ADAMTSL1: variants seen among roughly 807,000 people sequenced by gnomAD.
The protein encoded by ADAMTSL1 is ADAMTS like 1.
ADAMTSL1 carries 126 observed loss-of-function variants against 201.8 expected under a neutral mutation model. The observed-to-expected ratio is 0.62, with a 90% CI of 0.54 to 0.72. The LOEUF (loss-of-function observed/expected upper bound fraction) is 0.72. ADAMTSL1 is among the 30% of genes least tolerant of loss of function. ADAMTSL1 has a pLI of 0.00. For synonymous variants in ADAMTSL1, 1,121 were observed against 903.4 expected, an observed-to-expected ratio of 1.24 and a Z score of -4.32; for missense variants, 2,679 against 2,277.8, an observed-to-expected ratio of 1.18 and a Z score of -3.59.
intron 2 of ADAMTSL1, among the ~76,000 whole-genome samples, chr9:18,206,155 A>G (rs752149035): frequency 6.7e-6 from 1 of 148,968 alleles, no homozygotes; most frequent in African/African-American, 2.5e-5. Context: ...ATTTTTCAAT[A>G]TGGATCATCT....
intron 4 of ADAMTSL1, among the ~76,000 whole-genome samples, chr9:18,621,637 T>G (rs975875563): frequency 3.3e-5 from 5 of 151,870 alleles, no homozygotes; most frequent in African/African-American, 1.2e-4. Context: ...TCTCCTCTTT[T>G]TTAAGCTGGA....
intron 2 of ADAMTSL1, among the ~76,000 whole-genome samples, chr9:18,243,817 C>G (rs2132460439): frequency 1.3e-5 from 2 of 152,172 alleles, no homozygotes; most frequent in Middle Eastern, 3.4e-3. Flanking sequence ...TGCTTCATAG[C>G]CTGAAATTGA....
chr9:18,767,053 A>G (rs937213321), intron 16 of ADAMTSL1, among the ~76,000 whole-genome samples: 2 of 152,214 alleles, frequency 1.3e-5, no homozygotes, highest in Non-Finnish European at 2.9e-5. Flanking sequence ...CTCAGGGGCC[A>G]AAGTTTTTGT....
At chr9:18,557,471 A>G (rs1277281157) in intron 3 of ADAMTSL1, among the ~76,000 whole-genome samples, 1 of 152,078 alleles carries the variant, frequency 6.6e-6, no homozygotes, top group Admixed American at 6.6e-5. Flanking sequence ...CTTAAGTTGT[A>G]TGCTACAAAA....
intron 1 of ADAMTSL1, among the ~76,000 whole-genome samples, chr9:17,941,898 A>C (rs1192107217): frequency 6.6e-6 from 1 of 152,074 alleles, no homozygotes; most frequent in Non-Finnish European, 1.5e-5. Context: ...CTGTGTTCTC[A>C]TGTGGTAGAA....
At position 18,681,816 on chromosome 9, in the gene ADAMTSL1, C is replaced by T. The variant is rs2133177501; in HGVS notation, c.1346C>T (p.Thr449Ile). 1 of 1,610,898 alleles carries T rather than the reference C, an allele frequency of 6.2e-7. No individual in the cohort carries two copies. Among genetic ancestry groups the T allele is most frequent in the Non-Finnish European group, 8.5e-7 (1 of 1,178,130 alleles). The change falls in exon 12 of 29, where the codon ACA becomes ATA. Residue 449 changes from threonine (T) to isoleucine (I), a missense_variant. Physicochemically the swap from Thr to Ile is moderately conservative, Grantham distance 89. Coordinates refer to ENST00000380548, the MANE Select transcript of ADAMTSL1 (RefSeq NM_001040272.6). ...KWLAQEWSPC[T>I]VTCGQGLRYR... is the part of the protein sequence containing the mutation. ...TCTCTTGCAATCTCTTTCCAGTGCA[C>T]AGTGACATGTGGCCAGGGCCTCAGA...
At chr9:18,054,089 G>T (rs1822062193) in intron 1 of ADAMTSL1, among the ~76,000 whole-genome samples, 1 of 151,642 alleles carries the variant, frequency 6.6e-6, no homozygotes, top group South Asian at 2.1e-4. Context: ...AAAACTATTT[G>T]CCCATATCTT....
At chr9:18,191,949 G>A (rs1307067173) in intron 2 of ADAMTSL1, among the ~76,000 whole-genome samples, 1 of 152,080 alleles carries the variant, frequency 6.6e-6, no homozygotes, top group Non-Finnish European at 1.5e-5. Flanking sequence ...AATTATAATT[G>A]TGTAACTGGC....
rs1822581139 is a variant in ADAMTSL1, at chr9:18,574,551, A to G, written c.474+285A>G. Reference sequence around the variant, plus strand: ...TTTATCAATTATGTACTAGACTTTGAAATTATCCCCTGGATTGGCTATTCC... The same window carrying G: ...TTTATCAATTATGTACTAGACTTTGGAATTATCCCCTGGATTGGCTATTCC... On this transcript the variant is annotated intron_variant, in intron 4 of 28. Coordinates refer to ENST00000380548, the MANE Select transcript of ADAMTSL1 (RefSeq NM_001040272.6). 6 of 546,904 alleles carry G rather than the reference A, an allele frequency of 1.1e-5. 1 individual carries two copies. In the South Asian group the frequency reaches 1.1e-4, roughly 10 times the overall value. 33.9% of individuals were successfully genotyped at this position (546,904 alleles called of 1,614,324 possible). A position where few individuals can be genotyped will look rare whatever the true frequency, so the allele number is the denominator to read the frequency against.
intron 5 of ADAMTSL1, among the ~76,000 whole-genome samples, chr9:18,629,800 G>T (rs996884055): frequency 3.3e-5 from 5 of 152,046 alleles, no homozygotes; most frequent in African/African-American, 1.2e-4. Flanking sequence ...GGAAGAGATT[G>T]TATGGAATTG....
chr9:17,925,953 T>G (rs945429076), intron 1 of ADAMTSL1, among the ~76,000 whole-genome samples: 1 of 152,034 alleles, frequency 6.6e-6, no homozygotes, highest in African/African-American at 2.4e-5. Context: ...CCAAGCGCAA[T>G]GTAGCAATTG....
intron 2 of ADAMTSL1, among the ~76,000 whole-genome samples, chr9:18,230,600 T>C (rs531204995): frequency 2.6e-5 from 4 of 152,194 alleles, no homozygotes; most frequent in Non-Finnish European, 5.9e-5. Flanking sequence ...TACCATGAAA[T>C]CTGCCTTCCT....
chr9:17,975,204 TG>T (rs1818395556), intron 1 of ADAMTSL1, among the ~76,000 whole-genome samples: 1 of 152,096 alleles, frequency 6.6e-6, no homozygotes, highest in Non-Finnish European at 1.5e-5. Context: ...ATTTTTTAAT[TG>T]GGTCATTTTT....
intron 1 of ADAMTSL1, among the ~76,000 whole-genome samples, chr9:18,112,094 C>T (rs1399012057): frequency 1.3e-5 from 2 of 152,114 alleles, no homozygotes; most frequent in Admixed American, 6.6e-5. Flanking sequence ...TCCATTCATT[C>T]AGCACACTTA....
chr9:18,036,125 G>A (rs570250446), intron 1 of ADAMTSL1, among the ~76,000 whole-genome samples: 1 of 152,180 alleles, frequency 6.6e-6, no homozygotes, highest in Non-Finnish European at 1.5e-5. Flanking sequence ...ATGGTTAGGA[G>A]TTGGCCAAGT....
intron 2 of ADAMTSL1, among the ~76,000 whole-genome samples, chr9:18,466,279 T>C (rs1307340251): frequency 6.6e-6 from 1 of 152,214 alleles, no homozygotes; most frequent in Admixed American, 6.5e-5. Context: ...GTCATATTTT[T>C]CCCTCAGGAC....
Position 18,659,446 on chromosome 9 carries a change from G to C in ADAMTSL1, c.946+1696G>C, listed in dbSNP as rs532123632. On this transcript the variant is annotated intron_variant, in intron 8 of 28. Transcript: ENST00000380548. ...CATTTCAATAGAATGAGTGTTTCTA[G>C]TTGTTCCATCTGTCATGGATAGAAA... Among the ~76,000 whole-genome samples the C allele has an allele frequency of 4.6e-5, 7 of 152,320 alleles. No individual in the cohort carries two copies. In the East Asian group the frequency reaches 1.3e-3, roughly 29 times the overall value.
At chr9:18,378,250 C>G (rs935179619) in intron 2 of ADAMTSL1, among the ~76,000 whole-genome samples, 1 of 152,114 alleles carries the variant, frequency 6.6e-6, no homozygotes, top group Non-Finnish European at 1.5e-5. Flanking sequence ...TATTTGAGGA[C>G]TAACGGAAAT....
rs752798349 is a variant in ADAMTSL1 at position 18,056,244 on chromosome 9, A to G, written c.88-107618A>G. Among the ~76,000 whole-genome samples the G allele has an allele frequency of 4.3e-4, 66 of 152,250 alleles. No homozygotes were observed. In the Middle Eastern group the frequency reaches 0.017, roughly 39 times the overall value. On this transcript the variant is annotated intron_variant, in intron 1 of 29. Transcript: ENST00000680146. ...TTGGAAGAAAGAGAAAGACAAAGCA[A>G]TTTTTCCCCTAAAGGTATGAAATGT...
Sources: allele counts gnomAD v4.1 joint callset (sites outside exome capture counted in the v4.1 genomes callset), GRCh38; gene constraint gnomAD v4.1.1; transcripts MANE v1.5; gene names NCBI Gene and HGNC (gene_info 2026-07-23, HGNC 2026-07-21).